The following CNTN2 variants were observed in gnomAD, a reference collection of about 807,000 sequenced individuals.
The protein encoded by CNTN2 is contactin-2.
A neutral mutation model predicts 117.5 loss-of-function variants in CNTN2; 53 were observed. The observed-to-expected ratio is 0.45, with a 90% confidence interval of 0.36 to 0.57. CNTN2 has a LOEUF of 0.57. Ranked by LOEUF, CNTN2 falls within the 20% of genes least tolerant of loss-of-function variation. CNTN2 has a pLI of 0.00. For missense variants in CNTN2, 1,106 were observed against 1,404.3 expected, an observed-to-expected ratio of 0.79 and a Z score of 3.39; for synonymous variants, 530 against 561.7, an observed-to-expected ratio of 0.94 and a Z score of 0.80.
At position 205,074,638 on chromosome 1, in the gene CNTN2, C is replaced by A. The variant is rs1654770766; in HGVS notation, c.*873C>A. ...CCCTCCAAGACCCATTCTGCACAGT[C>A]CCTCCAGGGTTTGGGCAGGAGATGG... On this transcript the variant is annotated 3_prime_UTR_variant, in exon 23 of 23. Transcript: ENST00000331830. The A allele has an allele frequency of 2.5e-6, 1 of 399,062 alleles. No homozygotes were observed. The highest frequency in any genetic ancestry group is 1.3e-4 in the South Asian group (1 of 7,836). The allele number at this position is 399,062 out of a possible 1,614,324, so 24.7% of individuals were successfully genotyped here.
chr1:205,068,523 C>T (rs1013312418), intron 16 of CNTN2: 1 of 152,180 alleles, frequency 6.6e-6, no homozygotes, highest in African/African-American at 2.4e-5. Flanking sequence ...GAGGGGACTC[C>T]TTTATTCTAT....
chr1:205,066,726 AG>A, intron 15 of CNTN2, 127 bp downstream of exon 15: 1 of 1,106,486 alleles, frequency 9.0e-7, no homozygotes. Context: ...AAGAGGGACA[AG>A]ATCTGTCCTC....
intron 14 of CNTN2, 169 bp downstream of exon 14, chr1:205,066,078 TG>T: frequency 2.5e-6 from 2 of 790,382 alleles, no homozygotes; most frequent in Non-Finnish European, 4.0e-6. Flanking sequence ...AGGTCCTAAA[TG>T]ATCAGGACAT....
At position 205,059,826 on chromosome 1, in the gene CNTN2, C is replaced by A; in HGVS notation, c.797+144C>A. On this transcript the variant is annotated intron_variant, in intron 7 of 22. Transcript: ENST00000331830. This position sits in a 1 kb window ranked among gnomAD's most constrained non-coding sequence, Gnocchi z 5.6. ...GTACTGGGCACACAGTGGGTATCGA[C>A]CACCACTCACTGGACAGTACCTCTC... 4 of 656,914 alleles carry A rather than the reference C, an allele frequency of 6.1e-6. No individual in the cohort carries two copies. Among genetic ancestry groups the A allele is most frequent in the South Asian group, 1.8e-5 (1 of 56,284 alleles). 40.7% of individuals were successfully genotyped at this position (656,914 alleles called of 1,614,324 possible).
At chr1:205,062,324 C>G in intron 9 of CNTN2, 116 bp from the exon 10 acceptor site, 1 of 1,368,260 alleles carries the variant, frequency 7.3e-7, no homozygotes, top group Admixed American at 2.3e-5. Flanking sequence ...GACATATAAG[C>G]CATATCCTCT....
intron 17 of CNTN2, 87 bp downstream of exon 17, chr1:205,069,648 T>A (rs1654482243): frequency 2.7e-6 from 4 of 1,487,224 alleles, no homozygotes; most frequent in Admixed American, 1.8e-5. Flanking sequence ...TGCACAGCTC[T>A]GACTCAAACG....
In CNTN2 at chr1:205,065,145, G is replaced by A. The variant is rs998708044; in HGVS notation, c.1578G>A (p.Leu526=). The change falls in exon 13 of 23, where the codon CTG becomes CTA. Residue 526 remains leucine (L), a synonymous_variant. Transcript: ENST00000331830. This position sits in a 1 kb window ranked among gnomAD's most constrained non-coding sequence, Gnocchi z 4.1. ...SSADINLGDN[L]TLQCHASHDP... ...CCGACATCAACTTGGGTGACAACCT[G>A]ACCCTACAGTGCCATGCCTCCCACG... is the stretch of plus-strand genomic sequence containing the variant. 6.8e-6 allele frequency: 11 copies of A among 1,613,884 alleles called. No individual in the cohort carries two copies. The highest frequency in any genetic ancestry group is 9.3e-6 in the Non-Finnish European group (11 of 1,180,014).
At position 205,074,667 on chromosome 1, in the gene CNTN2, A is replaced by G. The variant is rs1481579380; in HGVS notation, c.*902A>G. 5 of 399,004 alleles carry G rather than the reference A, an allele frequency of 1.3e-5. No individual in the cohort carries two copies. The highest frequency in any genetic ancestry group is 2.2e-5 in the Non-Finnish European group (5 of 226,244). The allele number at this position is 399,004 out of a possible 1,614,324, so 24.7% of individuals were successfully genotyped here. On this transcript the variant is annotated 3_prime_UTR_variant, in exon 23 of 23. Coordinates refer to ENST00000331830, the MANE Select transcript of CNTN2 (RefSeq NM_005076.5). ...CCAGGGTTTGGGCAGGAGATGGCCA[A>G]TCATGCGCCCACCTCTCCAGTGCTG...
In CNTN2 at chr1:205,076,472, TGA is replaced by T. The variant is rs1438323444; in HGVS notation, c.*2711_*2712del. 6.6e-6 allele frequency: 1 copy of T among 152,150 alleles called. No homozygotes were observed. The highest frequency in any genetic ancestry group is 1.5e-5 in the Non-Finnish European group (1 of 68,028). The allele number at this position is 152,150 out of a possible 1,614,324, so 9.4% of individuals were successfully genotyped here. On this transcript the variant is annotated 3_prime_UTR_variant, in exon 23 of 23. Coordinates refer to ENST00000331830, the MANE Select transcript of CNTN2 (RefSeq NM_005076.5). ...CTCTGCCCAGATGGGCTGGGGGAGT[TGA>T]GAGTGTGCTTATTTTCACTGCGATC... is the stretch of plus-strand genomic sequence containing the variant.
chr1:205,057,557 G>A (rs1299798172), intron 2 of CNTN2: 1 of 168,530 alleles, frequency 5.9e-6, no homozygotes, highest in Non-Finnish European at 1.3e-5. Context: ...AAGAGGGACT[G>A]TGTCTTAATC....
At chr1:205,067,467 A>C in intron 16 of CNTN2, 1 of 462,048 alleles carries the variant, frequency 2.2e-6, no homozygotes, top group Non-Finnish European at 3.7e-6. Flanking sequence ...AAACTGGCCA[A>C]CCTTACAACT....
chr1:205,049,282 ACACACACACACACACACAC>A (rs2096447990), intron 1 of CNTN2, among the ~76,000 whole-genome samples: 1 of 48,832 alleles, frequency 2.0e-5, no homozygotes, highest in Non-Finnish European at 5.0e-5. Context: ...CTCACACCCG[ACACACACACACACACACAC>A]ACACACACAC....
At position 205,064,376 on chromosome 1, in the gene CNTN2, G is replaced by C. The variant is rs200098924; in HGVS notation, c.1295G>C (p.Arg432Pro). The C allele has an allele frequency of 6.2e-7, 1 of 1,609,556 alleles. No homozygotes were observed. The change falls in exon 11 of 23, where the codon CGC (arginine) becomes CCC (proline). Residue 432 changes from arginine to proline, a missense_variant. Coordinates refer to ENST00000331830, the MANE Select transcript of CNTN2 (RefSeq NM_005076.5). ...NPVRRLIPAA[R>P]GGEILIPCQP... ...GTGAGGCGTCTGATCCCCGCGGCCC[G>C]CGGGGGAGAGATCCTTATCCCCTGC...
chr1:205,065,185 C>G lies in CNTN2; in HGVS notation c.1618C>G (p.Leu540Val), dbSNP rs759942216. 6.2e-7 allele frequency: 1 copy of G among 1,614,172 alleles called. No individual in the cohort carries two copies. Among genetic ancestry groups the G allele is most frequent in the Admixed American group, 1.7e-5 (1 of 60,028 alleles). ...TGCCTCCCACGACCCCACCATGGAC[C>G]TCACCTTCACCTGGACCCTGGACGA... ...CHASHDPTMD[L>V]TFTWTLDDFP... The change falls in exon 13 of 23, where the codon CTC becomes GTC. Residue 540 changes from leucine (L) to valine (V), a missense_variant. Leu to Val is a conservative substitution (Grantham distance 32). Coordinates refer to ENST00000331830, the MANE Select transcript of CNTN2 (RefSeq NM_005076.5). The surrounding 1 kb of genome is among the most constrained non-coding windows in gnomAD (Gnocchi z 4.1).
In CNTN2 at chr1:205,059,754, G is replaced by C; in HGVS notation, c.797+72G>C. 2 of 1,296,772 alleles carry C rather than the reference G, an allele frequency of 1.5e-6. No individual in the cohort carries two copies. Among genetic ancestry groups the C allele is most frequent in the Non-Finnish European group, 2.2e-6 (2 of 900,580 alleles). 80.3% of individuals were successfully genotyped at this position (1,296,772 alleles called of 1,614,324 possible). On this transcript the variant is annotated intron_variant, in intron 7 of 22. Coordinates refer to ENST00000331830, the MANE Select transcript of CNTN2 (RefSeq NM_005076.5). The surrounding 1 kb of genome is among the most constrained non-coding windows in gnomAD (Gnocchi z 5.6). ...ACAGGTGACCCCAGGGTGAGGGCAGGCAGAGTCAGGGCTCTTATCTTGGTG... is the reference window on the plus strand; with the variant it reads ...ACAGGTGACCCCAGGGTGAGGGCAGCCAGAGTCAGGGCTCTTATCTTGGTG...
rs540866089 is a variant in CNTN2 at position 205,078,072 on chromosome 1, C to A, written c.*4307C>A. ...GCATACCTCCTTGTCCTGTTCTTCA[C>A]TCCAGAGGCTTTTATCCAAGAATTT... On this transcript the variant is annotated 3_prime_UTR_variant, in exon 23 of 23. Coordinates refer to ENST00000331830, the MANE Select transcript of CNTN2 (RefSeq NM_005076.5). 4.4e-4 allele frequency: 67 copies of A among 152,316 alleles called. No homozygotes were observed. Among genetic ancestry groups the A allele is most frequent in the African/African-American group, 1.6e-3 (66 of 41,552 alleles). The allele number at this position is 152,316 out of a possible 1,614,324, so 9.4% of individuals were successfully genotyped here. A position where few individuals can be genotyped will look rare whatever the true frequency, so the allele number is the denominator to read the frequency against.
intron 10 of CNTN2, chr1:205,063,021 AGCAGGT>A (rs1188120506): frequency 6.6e-6 from 1 of 152,510 alleles, no homozygotes; most frequent in Non-Finnish European, 1.5e-5. Flanking sequence ...CCCACCATAC[AGCAGGT>A]GCCCGGGAAA....
At chr1:205,066,828 A>G (rs942333863) in intron 15 of CNTN2, among the ~76,000 whole-genome samples, 4 of 152,190 alleles carry the variant, frequency 2.6e-5, no homozygotes, top group Non-Finnish European at 5.9e-5. Context: ...CGCTTGGTCT[A>G]TGCCCTTGAA....
At chr1:205,072,971 A>G in intron 21 of CNTN2, 97 bp from the exon 22 acceptor site, 1 of 1,368,514 alleles carries the variant, frequency 7.3e-7, no homozygotes, top group Non-Finnish European at 1.0e-6. Context: ...TCAAGAGCCC[A>G]GAACCATCGG....
Sources: allele counts gnomAD v4.1 joint callset (sites outside exome capture counted in the v4.1 genomes callset), GRCh38; gene constraint gnomAD v4.1.1; non-coding constraint Gnocchi (gnomAD v3.1); transcripts MANE v1.5; gene names NCBI Gene and HGNC (gene_info 2026-07-23, HGNC 2026-07-21).